Variants in IK observed in about 807,000 individuals in gnomAD.
IK encodes the protein protein Red.
In IK, 47 loss-of-function variants were observed where a neutral mutation model predicts 90.9. The ratio of observed to expected loss-of-function variants is 0.52; its 90% CI spans 0.41 to 0.66. The LOEUF is 0.66. Among genes scored for constraint, IK ranks in the 30% least tolerant of loss-of-function variants. The probability of loss-of-function intolerance (pLI) is 0.00; values close to 1 mark genes in which losing one functional copy is unlikely to be tolerated. For missense variants in IK, 385 were observed against 709.3 expected, an observed-to-expected ratio of 0.54 and a Z score of 5.19; for synonymous variants, 201 against 227.5, an observed-to-expected ratio of 0.88 and a Z score of 1.05.
Position 140,661,572 on chromosome 5 carries a change from C to A in IK, c.1414-48C>A. On this transcript the variant is annotated intron_variant, in intron 16 of 19. Transcript: ENST00000417647. This position sits in a 1 kb window ranked among gnomAD's most constrained non-coding sequence, Gnocchi z 4.2. ...TCAATCAAGGGCTGAAATTCCATTT[C>A]CACTGACATCTCTTCCTTCCCCATC... The A allele has an allele frequency of 7.5e-7, 1 of 1,324,662 alleles. No individual in the cohort carries two copies. The highest frequency in any genetic ancestry group is 1.1e-6 in the Non-Finnish European group (1 of 941,778). 82.1% of individuals were successfully genotyped at this position (1,324,662 alleles called of 1,614,324 possible). A position where few individuals can be genotyped will look rare whatever the true frequency, so the allele number is the denominator to read the frequency against.
chr5:140,648,121 C>G (rs1168025705), intron 1 of IK, 197 bp downstream of exon 1: 2 of 733,358 alleles, frequency 2.7e-6, no homozygotes, highest in Non-Finnish European at 4.9e-6. Context: ...AAACTCCGTC[C>G]CCAGTCCTCA....
At chr5:140,660,655 G>C (rs1250680588) in intron 15 of IK, 103 bp from the exon 16 acceptor site, 3 of 841,658 alleles carry the variant, frequency 3.6e-6, no homozygotes, top group Admixed American at 3.9e-5. Flanking sequence ...GGAGGTCTAG[G>C]GGGTGGTCAT....
At chr5:140,648,437 G>T (rs1027822441) in intron 1 of IK, 34 bp from the exon 2 acceptor site, 3 of 1,606,120 alleles carry the variant, frequency 1.9e-6, no homozygotes, top group Non-Finnish European at 8.5e-7. Flanking sequence ...ACACGTAAGA[G>T]ACTGATTAAA....
At chr5:140,655,343 G>C (rs932182735) in intron 8 of IK, among the ~76,000 whole-genome samples, 2 of 152,176 alleles carry the variant, frequency 1.3e-5, no homozygotes, top group African/African-American at 4.8e-5. Context: ...TTTGCTGTTT[G>C]TTCATCTGTA....
At chr5:140,653,321 C>G (rs1757646766) in intron 5 of IK, among the ~76,000 whole-genome samples, 177 bp downstream of exon 5, 1 of 147,804 alleles carries the variant, frequency 6.8e-6, no homozygotes, top group African/African-American at 2.5e-5. Context: ...GAGTCTCGCT[C>G]TGTCACCCAG....
Position 140,655,938 on chromosome 5 carries a change from C to G in IK, c.747C>G (p.Asp249Glu). The G allele has an allele frequency of 6.4e-7, 1 of 1,565,690 alleles. No homozygotes were observed. Among genetic ancestry groups the G allele is most frequent in the Non-Finnish European group, 8.7e-7 (1 of 1,153,896 alleles). Residue 249 changes from aspartate (D) to glutamate (E), a missense_variant, in exon 9 of 20, where the codon GAC (aspartate) becomes GAG (glutamate). Transcript: ENST00000417647. ...YVVDLDDEYA[D>E]TDIPTTLIRS... ...TAGACCTGGATGATGAGTATGCTGACACAGATATCCCCACCACTCTTATCC... is the reference window on the plus strand; with the variant it reads ...TAGACCTGGATGATGAGTATGCTGAGACAGATATCCCCACCACTCTTATCC...
Position 140,661,744 on chromosome 5 carries a change from G to T in IK, c.1502+36G>T. ...ACTGAATATGGGCAGGGTGTGAGGA[G>T]GGGTGTGGGGATTTGGTGGAATAGT... On this transcript the variant is annotated intron_variant, in intron 17 of 19. Transcript: ENST00000417647. This position sits in a 1 kb window ranked among gnomAD's most constrained non-coding sequence, Gnocchi z 4.2. 1 of 1,521,688 alleles carries T rather than the reference G, an allele frequency of 6.6e-7. No homozygotes were observed. The highest frequency in any genetic ancestry group is 1.2e-5 in the South Asian group (1 of 85,494). The allele number at this position is 1,521,688 out of a possible 1,614,324, so 94.3% of individuals were successfully genotyped here.
Position 140,654,691 on chromosome 5 carries a change from G to A in IK, c.601G>A (p.Asp201Asn), listed in dbSNP as rs749057350. The A allele has an allele frequency of 2.5e-6, 4 of 1,603,374 alleles. No homozygotes were observed. The South Asian group carries it at 4.5e-5, about 18-fold the overall frequency. ...TTTTTGTCTTTTCAGGAAAGATGAGGATCCTGAAAATAAAATTGAATTTAA... is the reference window on the plus strand; with the variant it reads ...TTTTTGTCTTTTCAGGAAAGATGAGAATCCTGAAAATAAAATTGAATTTAA... ...KPQKETKKDE[D>N]PENKIEFKTR... is the part of the protein sequence containing the mutation. Residue 201 changes from aspartate (D) to asparagine (N), a missense_variant, in exon 8 of 20, where the codon GAT (aspartate) becomes AAT (asparagine). Transcript: ENST00000417647.
chr5:140,659,867 A>G, intron 14 of IK, 33 bp downstream of exon 14: 1 of 1,473,500 alleles, frequency 6.8e-7, no homozygotes, highest in African/African-American at 1.4e-5. Flanking sequence ...CCTGGGTTCC[A>G]GAGAACTGGT....
rs960490201 is a variant in IK, at chr5:140,661,567, C to T, written c.1414-53C>T. ...TGGCTTCAATCAAGGGCTGAAATTC[C>T]ATTTCCACTGACATCTCTTCCTTCC... On this transcript the variant is annotated intron_variant, in intron 16 of 19. Coordinates refer to ENST00000417647, the MANE Select transcript of IK (RefSeq NM_006083.4). The surrounding 1 kb of genome is among the most constrained non-coding windows in gnomAD (Gnocchi z 4.2). 1.6e-6 allele frequency: 2 copies of T among 1,281,546 alleles called. No homozygotes were observed. The highest frequency in any genetic ancestry group is 1.5e-5 in the African/African-American group (1 of 67,564). The allele number at this position is 1,281,546 out of a possible 1,614,324, so 79.4% of individuals were successfully genotyped here.
At position 140,648,483 on chromosome 5, in the gene IK, C is replaced by T; in HGVS notation, c.29C>T (p.Ser10Phe). Residue 10 changes from serine to phenylalanine, a missense_variant, in exon 2 of 20, where the codon TCC becomes TTC. Ser to Phe is a radical substitution (Grantham distance 155). Transcript: ENST00000417647. Reference protein sequence around the residue: MPERDSEPFSNPLAPDGHDV... With the variant: MPERDSEPFFNPLAPDGHDV... ...TTTTTTTTGTCAGGTGAGCCGTTCT[C>T]CAACCCTTTGGCCCCCGATGGCCAC... 1 of 1,613,988 alleles carries T rather than the reference C, an allele frequency of 6.2e-7. No homozygotes were observed.
chr5:140,661,332 C>T lies in IK; in HGVS notation c.1414-288C>T, dbSNP rs1294428218. On this transcript the variant is annotated intron_variant, in intron 16 of 19. Coordinates refer to ENST00000417647, the MANE Select transcript of IK (RefSeq NM_006083.4). The surrounding 1 kb of genome is among the most constrained non-coding windows in gnomAD (Gnocchi z 4.2). The stretch of plus-strand genomic sequence containing the variant: ...CTGTTTATTAGTTTTGTGAACTTGC[C>T]AAGTTCTTTCACTGTTTATGCCTCA... 1 of 377,546 alleles carries T rather than the reference C, an allele frequency of 2.6e-6. No homozygotes were observed. The highest frequency in any genetic ancestry group is 4.8e-6 in the Non-Finnish European group (1 of 208,514). 23.4% of individuals were successfully genotyped at this position (377,546 alleles called of 1,614,324 possible).
In IK at chr5:140,661,759, G is replaced by A. The variant is rs1757805252; in HGVS notation, c.1502+51G>A. 1.3e-5 allele frequency: 19 copies of A among 1,466,266 alleles called. No homozygotes were observed. Among genetic ancestry groups the A allele is most frequent in the Non-Finnish European group, 1.8e-5 (19 of 1,062,564 alleles). 90.8% of individuals were successfully genotyped at this position (1,466,266 alleles called of 1,614,324 possible). A position where few individuals can be genotyped will look rare whatever the true frequency, so the allele number is the denominator to read the frequency against. On this transcript the variant is annotated intron_variant, in intron 17 of 19. Transcript: ENST00000417647. This position sits in a 1 kb window ranked among gnomAD's most constrained non-coding sequence, Gnocchi z 4.2. The stretch of plus-strand genomic sequence containing the variant: ...GGTGTGAGGAGGGGTGTGGGGATTT[G>A]GTGGAATAGTGCATATAAGGTTAGA...
chr5:140,648,130 C>T (rs1027331724), intron 1 of IK: 2 of 721,092 alleles, frequency 2.8e-6, no homozygotes, highest in African/African-American at 3.5e-5. Flanking sequence ...CCCCAGTCCT[C>T]ACTCCTACTC....
intron 19 of IK, 38 bp from the exon 20 acceptor site, chr5:140,662,264 A>G (rs764174946): frequency 1.2e-6 from 2 of 1,613,990 alleles, no homozygotes; most frequent in South Asian, 2.2e-5. Context: ...TGCTTAGTGT[A>G]TTGATCTTAT....
intron 4 of IK, 108 bp from the exon 5 acceptor site, chr5:140,652,869 T>C (rs1757638891): frequency 1.0e-6 from 1 of 974,258 alleles, no homozygotes; most frequent in Non-Finnish European, 1.5e-6. Flanking sequence ...CATGAGCTTT[T>C]CCCCATAGAG....
intron 4 of IK, 43 bp downstream of exon 4, chr5:140,652,190 G>T: frequency 6.8e-7 from 1 of 1,466,898 alleles, no homozygotes; most frequent in East Asian, 2.3e-5. Context: ...GGTGGATAGT[G>T]TTTAGGGGAA....
chr5:140,648,201 T>G (rs1435004869), intron 1 of IK: 2 of 704,170 alleles, frequency 2.8e-6, no homozygotes, highest in Admixed American at 4.0e-5. Flanking sequence ...TCCCCATACT[T>G]AATCCTGGGT....
chr5:140,655,847 T>G lies in IK; in HGVS notation c.656T>G (p.Met219Arg). ...KTRLGRNVYR[M>R]LFKSKAYERN... ...ATTGTAGGCCGCAATGTTTACCGAA[T>G]GCTTTTTAAGAGCAAAGCATATGAG... The change falls in exon 9 of 20, where the codon ATG (methionine) becomes AGG (arginine). Residue 219 changes from methionine to arginine, a missense_variant. Transcript: ENST00000417647. 1.2e-6 allele frequency: 2 copies of G among 1,610,904 alleles called. No homozygotes were observed. Among genetic ancestry groups the G allele is most frequent in the Non-Finnish European group, 1.7e-6 (2 of 1,178,536 alleles).
Sources: gnomAD v4.1 joint callset for allele counts (sites outside exome capture counted in the v4.1 genomes callset) on GRCh38, gnomAD v4.1.1 for gene constraint, Gnocchi (gnomAD v3.1) non-coding constraint, MANE v1.5 for transcripts, NCBI Gene and HGNC (gene_info 2026-07-23, HGNC 2026-07-21) for gene names.